ABTB2: variants seen among roughly 807,000 people sequenced by gnomAD.
ABTB2 encodes ankyrin repeat and BTB domain containing 2.
ABTB2 carries 56 observed loss-of-function variants against 104.1 expected under a neutral mutation model. That is an observed-to-expected ratio of 0.54 (90% confidence interval 0.43 to 0.67). The LOEUF (loss-of-function observed/expected upper bound fraction) is 0.67. ABTB2 is among the 30% of genes least tolerant of loss of function. ABTB2 has a pLI of 0.00. For missense variants in ABTB2, 1,279 were observed against 1,407.7 expected (o/e 0.91, Z 1.46); for synonymous variants, 606 against 608.2 (o/e 1.00, Z 0.05).
chr11:34,291,463 G>A (rs969380421), intron 1 of ABTB2, among the ~76,000 whole-genome samples: 6 of 152,132 alleles, frequency 3.9e-5, no homozygotes, highest in Admixed American at 6.6e-5. Flanking sequence ...TGGGGCACAG[G>A]ACTGAAAACT....
chr11:34,272,720 A>C (rs1199218508), intron 1 of ABTB2, among the ~76,000 whole-genome samples: 3 of 149,482 alleles, frequency 2.0e-5, no homozygotes, highest in South Asian at 2.1e-4. Flanking sequence ...AAAAAAAAAA[A>C]AAAAAAAAAA....
chr11:34,348,049 G>C (rs973101717), intron 1 of ABTB2, among the ~76,000 whole-genome samples: 2 of 152,156 alleles, frequency 1.3e-5, no homozygotes, highest in African/African-American at 4.8e-5. Context: ...CTACATTCAG[G>C]GCCACGGAAG....
At chr11:34,271,855 T>G (rs1408012072) in intron 1 of ABTB2, among the ~76,000 whole-genome samples, 1 of 152,218 alleles carries the variant, frequency 6.6e-6, no homozygotes, top group East Asian at 1.9e-4. Context: ...CATGTTGTAC[T>G]TGTCCTTATA....
At chr11:34,173,984 G>C (rs1411039671) in intron 3 of ABTB2, among the ~76,000 whole-genome samples, 1 of 152,114 alleles carries the variant, frequency 6.6e-6, no homozygotes, top group African/African-American at 2.4e-5. Context: ...GACTGAGGTG[G>C]GCTGACACCA....
In ABTB2 at chr11:34,151,807, G is replaced by C. The variant is rs969410380; in HGVS notation, c.*580C>G. The stretch of plus-strand genomic sequence containing the variant: ...GGTGGCAGCAGTCGTGGTGGCAGGG[G>C]GGGGTCCACAGGCCACTGGATGCCC... On this transcript the variant is annotated 3_prime_UTR_variant, in exon 17 of 17. Coordinates refer to ENST00000435224, the MANE Select transcript of ABTB2 (RefSeq NM_145804.3). The C allele has an allele frequency of 6.5e-6, 1 of 152,898 alleles. No individual in the cohort carries two copies. Among genetic ancestry groups the C allele is most frequent in the African/African-American group, 2.4e-5 (1 of 41,446 alleles). 9.5% of individuals were successfully genotyped at this position (152,898 alleles called of 1,614,324 possible).
intron 9 of ABTB2, among the ~76,000 whole-genome samples, chr11:34,163,599 A>G (rs1565128868): frequency 6.6e-6 from 1 of 152,130 alleles, no homozygotes; most frequent in Non-Finnish European, 1.5e-5. Context: ...TGGTGCTGCA[A>G]GGTTCCTGGG....
chr11:34,295,509 G>A (rs181385512), intron 1 of ABTB2, among the ~76,000 whole-genome samples: 5 of 152,340 alleles, frequency 3.3e-5, no homozygotes, highest in Admixed American at 3.3e-4. Flanking sequence ...GGGATGGCAG[G>A]CTTTTAAGGT....
intron 1 of ABTB2, among the ~76,000 whole-genome samples, chr11:34,238,524 A>T (rs1468225304): frequency 6.6e-6 from 1 of 152,170 alleles, no homozygotes; most frequent in Non-Finnish European, 1.5e-5. Flanking sequence ...TTGAATGGAG[A>T]TGTGCCATGA....
At chr11:34,337,634 TCA>T (rs773446202) in intron 1 of ABTB2, among the ~76,000 whole-genome samples, 19 of 152,132 alleles carry the variant, frequency 1.2e-4, no homozygotes, top group Non-Finnish European at 2.5e-4. Context: ...TCTCAAGGCC[TCA>T]GTTTCCTCAT....
At position 34,274,965 on chromosome 11, in the gene ABTB2, C is replaced by T. The variant is rs112424185; in HGVS notation, c.884-70275G>A. ...AACCGGACCAGCAGCCTGGATGCTCCGACTCCCGCCTGGGGCCTGAATCCT... is the reference window on the plus strand; with the variant it reads ...AACCGGACCAGCAGCCTGGATGCTCTGACTCCCGCCTGGGGCCTGAATCCT... On this transcript the variant is annotated intron_variant, in intron 1 of 16. Transcript: ENST00000435224. Among the ~76,000 whole-genome samples the T allele has an allele frequency of 1.2e-3, 177 of 152,242 alleles. 1 individual carries two copies. Among genetic ancestry groups the T allele is most frequent in the African/African-American group, 4.1e-3 (169 of 41,552 alleles).
rs374255572 is a variant in ABTB2 at position 34,197,450 on chromosome 11, C to T, written c.1119G>A (p.Pro373=). The change falls in exon 3 of 17, where the codon CCG becomes CCA. Residue 373 remains proline (P), a synonymous_variant. Coordinates refer to ENST00000435224, the MANE Select transcript of ABTB2 (RefSeq NM_145804.3). ...GASPARQARQ[P]PQPITWSPDA... is the part of the protein sequence containing the mutation. ...CGGGGGACCAAGTGATGGGCTGTGG[C>T]GGCTGGCGGGCCTGGCGGGCAGGGC... The T allele has an allele frequency of 9.9e-5, 158 of 1,597,892 alleles. No individual in the cohort carries two copies. In the South Asian group the frequency reaches 1.1e-3, roughly 11 times the overall value.
At chr11:34,181,106 T>C (rs1426748718) in intron 3 of ABTB2, among the ~76,000 whole-genome samples, 2 of 152,136 alleles carry the variant, frequency 1.3e-5, no homozygotes, top group African/African-American at 4.8e-5. Flanking sequence ...GGTTTCAACA[T>C]GTTGGCCAGG....
intron 3 of ABTB2, among the ~76,000 whole-genome samples, chr11:34,181,241 C>A (rs1278930138): frequency 1.9e-5 from 1 of 53,508 alleles, no homozygotes; most frequent in Non-Finnish European, 3.9e-5. Context: ...GCCTGGAAAA[C>A]AAACAAACAA....
chr11:34,160,666 C>T (rs532710740), intron 11 of ABTB2, among the ~76,000 whole-genome samples: 9 of 77,360 alleles, frequency 1.2e-4, no homozygotes, highest in African/African-American at 3.2e-4. Context: ...TGCACGCGCG[C>T]GCGTGTGTGT....
intron 1 of ABTB2, among the ~76,000 whole-genome samples, chr11:34,352,349 T>C (rs1253479217): frequency 6.6e-6 from 1 of 152,212 alleles, no homozygotes; most frequent in Non-Finnish European, 1.5e-5. Context: ...CAGAGAAGCA[T>C]TCCTTGACTG....
intron 1 of ABTB2, among the ~76,000 whole-genome samples, chr11:34,237,599 G>T (rs1315112652): frequency 1.3e-5 from 2 of 152,084 alleles, no homozygotes; most frequent in Non-Finnish European, 2.9e-5. Flanking sequence ...GTTCAGGCTG[G>T]CTTCAGTAAG....
intron 1 of ABTB2, among the ~76,000 whole-genome samples, chr11:34,219,422 G>A (rs2133049450): frequency 6.6e-6 from 1 of 152,140 alleles, no homozygotes; most frequent in East Asian, 1.9e-4. Context: ...GCATGCAGCT[G>A]TGGTCCCAGC....
intron 1 of ABTB2, among the ~76,000 whole-genome samples, chr11:34,295,289 G>A (rs1298480873): frequency 6.6e-6 from 1 of 152,164 alleles, no homozygotes; most frequent in African/African-American, 2.4e-5. Flanking sequence ...TCTTACACAG[G>A]CTAGAGGTCG....
intron 1 of ABTB2, among the ~76,000 whole-genome samples, chr11:34,259,413 T>C (rs11032586): frequency 4.1e-4 from 62 of 152,384 alleles, no homozygotes; most frequent in Admixed American, 7.2e-4. Flanking sequence ...GTTTGGGGAA[T>C]AGGTAAGAAC....
Sources: allele counts gnomAD v4.1 joint callset (sites outside exome capture counted in the v4.1 genomes callset), GRCh38; gene constraint gnomAD v4.1.1; transcripts MANE v1.5; gene names NCBI Gene and HGNC (gene_info 2026-07-23, HGNC 2026-07-21).